The following PTH2R variants were observed in gnomAD, a reference collection of about 807,000 sequenced individuals.
PTH2R encodes PTH2 receptor.
A neutral mutation model predicts 60.3 loss-of-function variants in PTH2R; 59 were observed. The ratio of observed to expected loss-of-function variants is 0.98; its 90% CI spans 0.79 to 1.22. The LOEUF (loss-of-function observed/expected upper bound fraction) is 1.22. Ranked by LOEUF, PTH2R falls within the 50% of genes most tolerant of loss-of-function variation. The probability of loss-of-function intolerance (pLI) is 0.00; values close to 1 mark genes in which losing one functional copy is unlikely to be tolerated. For synonymous variants in PTH2R, 256 were observed against 243.8 expected (o/e 1.05, Z -0.47); for missense variants, 749 against 682.6 (o/e 1.10, Z -1.08).
At chr2:208,483,894 A>G (rs889891555) in intron 10 of PTH2R, among the ~76,000 whole-genome samples, 2 of 152,180 alleles carry the variant, frequency 1.3e-5, no homozygotes, top group Non-Finnish European at 2.9e-5. Context: ...TCAATTCCAT[A>G]TTCTGTTTCT....
chr2:208,385,625 C>CT (rs1251273912), intron 1 of PTH2R, among the ~76,000 whole-genome samples: 4 of 152,162 alleles, frequency 2.6e-5, no homozygotes, highest in Non-Finnish European at 5.9e-5. Context: ...GGACTGTCAT[C>CT]TTTTTTGTAG....
chr2:208,376,803 C>T (rs1700800349), intron 1 of PTH2R, among the ~76,000 whole-genome samples: 1 of 151,964 alleles, frequency 6.6e-6, no homozygotes, highest in African/African-American at 2.4e-5. Flanking sequence ...TTTTATCCGC[C>T]CCTCTTATGT....
chr2:208,437,828 G>A lies in PTH2R; in HGVS notation c.358G>A (p.Ala120Thr), dbSNP rs145832158. Residue 120 changes from alanine (A) to threonine (T), a missense_variant, in exon 4 of 13, where the codon GCC becomes ACC. By Grantham distance (58) the Ala-to-Thr change is moderately conservative (BLOSUM62 0). Transcript: ENST00000272847. ...TATGCACAGCTTAAATAAAACATGGGCCAATTATTCAGACTGCCTTCGCTT... is the reference window on the plus strand; with the variant it reads ...TATGCACAGCTTAAATAAAACATGGACCAATTATTCAGACTGCCTTCGCTT... ...DFMHSLNKTW[A>T]NYSDCLRFLQ... 50 of 1,613,702 alleles carry A rather than the reference G, an allele frequency of 3.1e-5. No homozygotes were observed. The African/African-American group carries it at 5.5e-4, about 18-fold the overall frequency.
chr2:208,491,992 G>T (rs1408835645), intron 12 of PTH2R, among the ~76,000 whole-genome samples: 1 of 152,142 alleles, frequency 6.6e-6, no homozygotes, highest in Non-Finnish European at 1.5e-5. Flanking sequence ...GTGTTGATTT[G>T]TTTTTGCCAA....
At chr2:208,469,130 ACTTGCTTT>A (rs1702822905) in intron 9 of PTH2R, among the ~76,000 whole-genome samples, 1 of 152,230 alleles carries the variant, frequency 6.6e-6, no homozygotes, top group Non-Finnish European at 1.5e-5. Context: ...TGTTCTTTTC[ACTTGCTTT>A]CTAAAACCTG....
intron 1 of PTH2R, among the ~76,000 whole-genome samples, chr2:208,370,697 A>G (rs1383598469): frequency 3.9e-5 from 6 of 152,000 alleles, no homozygotes; most frequent in Non-Finnish European, 7.3e-5. Context: ...AATATTTGTG[A>G]AACTTCATGT....
intron 12 of PTH2R, among the ~76,000 whole-genome samples, 167 bp from the exon 13 acceptor site, chr2:208,493,097 G>A (rs1181430434): frequency 6.6e-6 from 1 of 152,150 alleles, no homozygotes; most frequent in African/African-American, 2.4e-5. Context: ...CACCTGTCTT[G>A]AAGGTTTTTT....
chr2:208,361,457 T>TA (rs1232608612), intron 1 of PTH2R: 3 of 152,150 alleles, frequency 2.0e-5, no homozygotes, highest in African/African-American at 7.2e-5. Flanking sequence ...TTTTTTGAAG[T>TA]AAAAAATGCA....
intron 1 of PTH2R, among the ~76,000 whole-genome samples, chr2:208,377,817 C>T (rs948472230): frequency 1.7e-4 from 25 of 150,916 alleles, no homozygotes; most frequent in East Asian, 4.0e-4. Flanking sequence ...AGACGATGGG[C>T]GGCCGGGCAG....
chr2:208,457,955 C>G (rs1702548111), intron 8 of PTH2R, among the ~76,000 whole-genome samples: 1 of 151,986 alleles, frequency 6.6e-6, no homozygotes, highest in South Asian at 2.1e-4. Context: ...TCATTATATC[C>G]CACAAATTTC....
intron 1 of PTH2R, among the ~76,000 whole-genome samples, chr2:208,375,325 G>A (rs993858941): frequency 2.6e-5 from 4 of 152,062 alleles, no homozygotes; most frequent in Non-Finnish European, 4.4e-5. Context: ...ACCTTGAGAA[G>A]GGAACAGGCT....
intron 5 of PTH2R, 58 bp downstream of exon 5, chr2:208,442,519 A>G: frequency 1.5e-6 from 2 of 1,306,634 alleles, no homozygotes; most frequent in South Asian, 2.4e-5. Flanking sequence ...CTATCCAGAG[A>G]AGACATAGCG....
At chr2:208,401,614 C>T (rs1404723916) in intron 1 of PTH2R, among the ~76,000 whole-genome samples, 1 of 152,120 alleles carries the variant, frequency 6.6e-6, no homozygotes, top group Non-Finnish European at 1.5e-5. Context: ...TCCTCTGCAG[C>T]ACACCTGCTG....
chr2:208,407,154 G>T, intron 1 of PTH2R, 36 bp downstream of exon 1: 1 of 1,398,650 alleles, frequency 7.1e-7, no homozygotes, highest in South Asian at 1.8e-5. Flanking sequence ...TGTTTTCGCG[G>T]AGCCTCCGGC....
chr2:208,432,792 G>T (rs974959588), intron 2 of PTH2R, among the ~76,000 whole-genome samples: 5 of 152,152 alleles, frequency 3.3e-5, no homozygotes, highest in African/African-American at 9.7e-5. Context: ...TAGGATAAAT[G>T]GATGGAAGCA....
At chr2:208,376,813 T>C (rs771768528) in intron 1 of PTH2R, among the ~76,000 whole-genome samples, 2 of 152,040 alleles carry the variant, frequency 1.3e-5, no homozygotes, top group Non-Finnish European at 2.9e-5. Context: ...CCCTCTTATG[T>C]GCTCCCACTC....
intron 1 of PTH2R, chr2:208,361,446 GT>G (rs1055099153): frequency 6.6e-6 from 1 of 152,152 alleles, no homozygotes; most frequent in Middle Eastern, 3.2e-3. Context: ...CAGTGCTCTG[GT>G]TTTTTGAAGT....
chr2:208,386,174 A>G (rs16841151), intron 1 of PTH2R, among the ~76,000 whole-genome samples: 4,257 of 152,308 alleles, frequency 0.028, 183 homozygotes, highest in African/African-American at 0.096. Flanking sequence ...ACTTGTGCTC[A>G]TCATCATACT....
chr2:208,438,516 T>G (rs1038938696), intron 4 of PTH2R, among the ~76,000 whole-genome samples: 1 of 152,204 alleles, frequency 6.6e-6, no homozygotes, highest in African/African-American at 2.4e-5. Flanking sequence ...TTCACATCAG[T>G]GCTGTTTCCA....
Sources: gnomAD v4.1 joint callset for allele counts (sites outside exome capture counted in the v4.1 genomes callset) on GRCh38, gnomAD v4.1.1 for gene constraint, MANE v1.5 for transcripts, NCBI Gene and HGNC (gene_info 2026-07-23, HGNC 2026-07-21) for gene names.